The following SOX6 variants were observed in gnomAD, a reference collection of about 807,000 sequenced individuals.
SOX6 encodes transcription factor SOX-6.
A neutral mutation model predicts 97.8 loss-of-function variants in SOX6; 11 were observed. The observed-to-expected ratio is 0.11, with a 90% CI of 0.07 to 0.19. The LOEUF (loss-of-function observed/expected upper bound fraction) is 0.19. Among genes scored for constraint, SOX6 ranks in the 10% least tolerant of loss-of-function variants. The probability of loss-of-function intolerance (pLI) is 1.00; values close to 1 mark genes in which losing one functional copy is unlikely to be tolerated. For synonymous variants in SOX6, 360 were observed against 371.4 expected (o/e 0.97, Z 0.35); for missense variants, 810 against 1,039.5 (o/e 0.78, Z 3.04).
chr11:16,348,178 C>G (rs1412253898), intron 1 of SOX6, among the ~76,000 whole-genome samples: 1 of 152,094 alleles, frequency 6.6e-6, no homozygotes, highest in East Asian at 1.9e-4. Flanking sequence ...TTCCAGCAGG[C>G]AAAGTACTTC....
upstream of SOX6, among the ~76,000 whole-genome samples, chr11:16,480,648 C>A (rs57880976): frequency 3.9e-4 from 55 of 139,624 alleles, 1 homozygote; most frequent in African/African-American, 6.5e-4. Flanking sequence ...TTTAGTAACC[C>A]CCCCCCCACC....
chr11:16,468,252 C>A (rs1860078508), intron 1 of SOX6, among the ~76,000 whole-genome samples: 1 of 152,080 alleles, frequency 6.6e-6, no homozygotes. Context: ...TGTGAAAGAA[C>A]TATAACAGCA....
chr11:16,436,138 C>A (rs796542656), intron 1 of SOX6, among the ~76,000 whole-genome samples: 1 of 152,150 alleles, frequency 6.6e-6, no homozygotes, highest in South Asian at 2.1e-4. Flanking sequence ...TGTTAAACCA[C>A]CATGGCACAC....
intron 4 of SOX6, among the ~76,000 whole-genome samples, chr11:16,588,976 A>G (rs1329159184): frequency 6.6e-6 from 1 of 152,194 alleles, no homozygotes; most frequent in Non-Finnish European, 1.5e-5. Flanking sequence ...GTGAGCTATG[A>G]TCGTGCCACT....
chr11:16,175,992 T>C (rs1431661677), intron 6 of SOX6, among the ~76,000 whole-genome samples: 1 of 151,808 alleles, frequency 6.6e-6, no homozygotes, highest in Non-Finnish European at 1.5e-5. Flanking sequence ...AAATGAAAAG[T>C]ATATTTTAAC....
intron 12 of SOX6, among the ~76,000 whole-genome samples, chr11:16,040,382 A>C (rs1053541989): frequency 2.0e-5 from 3 of 152,048 alleles, no homozygotes; most frequent in African/African-American, 7.2e-5. Flanking sequence ...CAACAGAAAG[A>C]AAAAGAACTT....
At chr11:16,631,631 C>A (rs1325162961) in intron 3 of SOX6, among the ~76,000 whole-genome samples, 1 of 152,144 alleles carries the variant, frequency 6.6e-6, no homozygotes, top group Non-Finnish European at 1.5e-5. Context: ...ACCTCTCTAG[C>A]AAGATTAGGG....
rs943355011 is a variant in SOX6 at position 16,356,330 on chromosome 11, A to G, written c.-241T>C. On this transcript the variant is annotated 5_prime_UTR_variant, in exon 1 of 16. It removes the in-frame stop codon of an upstream open reading frame in the 5' UTR. Transcript: ENST00000683767. ...CTAATTTGCTAAACAAAACACTGTT[A>G]ACTTTGTTCAACAATTAAAGGAGTT... is the stretch of plus-strand genomic sequence containing the variant. Among the ~76,000 whole-genome samples, 1 of 152,144 alleles carries G rather than the reference A, an allele frequency of 6.6e-6. No homozygotes were observed. The highest frequency in any genetic ancestry group is 1.5e-5 in the Non-Finnish European group (1 of 67,998).
chr11:16,439,433 G>A (rs1284250265), intron 1 of SOX6, among the ~76,000 whole-genome samples: 4 of 152,234 alleles, frequency 2.6e-5, no homozygotes, highest in African/African-American at 7.2e-5. Context: ...TTGTATCAGG[G>A]CTGACACAAA....
chr11:16,348,642 C>T (rs1856829755), intron 1 of SOX6, among the ~76,000 whole-genome samples: 1 of 151,962 alleles, frequency 6.6e-6, no homozygotes, highest in African/African-American at 2.4e-5. Flanking sequence ...AGCACAAAGA[C>T]CTACAAATTA....
At position 16,115,186 on chromosome 11, in the gene SOX6, C is replaced by T. The variant is rs1043956453; in HGVS notation, c.778-3263G>A. ...GTGAAAGCAAGAGTAATGACAGAAA[C>T]ATAGAGTTGGAATAGAACTTGGAAA... On this transcript the variant is annotated intron_variant, in intron 6 of 15. Coordinates refer to ENST00000683767, the MANE Select transcript of SOX6 (RefSeq NM_001367873.1). Among the ~76,000 whole-genome samples the T allele has an allele frequency of 2.6e-5, 4 of 152,186 alleles. 1 individual carries two copies. Among genetic ancestry groups the T allele is most frequent in the Middle Eastern group, 6.8e-3 (2 of 294 alleles).
At chr11:16,611,197 C>G (rs185657610) in intron 4 of SOX6, among the ~76,000 whole-genome samples, 1 of 152,352 alleles carries the variant, frequency 6.6e-6, no homozygotes, top group African/African-American at 2.4e-5. Context: ...AGAGAGGTCC[C>G]CCTGAACTTG....
chr11:16,699,997 G>A (rs1442416050), intron 3 of SOX6, among the ~76,000 whole-genome samples: 1 of 151,874 alleles, frequency 6.6e-6, no homozygotes, highest in Admixed American at 6.6e-5. Flanking sequence ...TGGAGCTTTT[G>A]ATCTAGTGTG....
chr11:16,428,226 G>C (rs1301366845), intron 1 of SOX6, among the ~76,000 whole-genome samples: 2 of 151,852 alleles, frequency 1.3e-5, no homozygotes, highest in Non-Finnish European at 2.9e-5. Context: ...CTGGATATTA[G>C]CCCTTTGTCA....
intron 6 of SOX6, among the ~76,000 whole-genome samples, chr11:16,132,321 AGGAAG>A (rs1849776700): frequency 2.5e-5 from 3 of 119,034 alleles, no homozygotes; most frequent in African/African-American, 9.5e-5. Flanking sequence ...GAAGGAAGGA[AGGAAG>A]GAAGGAAAGA....
chr11:16,643,273 A>G (rs569461668), intron 3 of SOX6, among the ~76,000 whole-genome samples: 1 of 152,202 alleles, frequency 6.6e-6, no homozygotes, highest in African/African-American at 2.4e-5. Context: ...CTTCCTCTGG[A>G]AGTTTTGTCT....
At chr11:16,266,487 A>T (rs1854087539) in intron 3 of SOX6, among the ~76,000 whole-genome samples, 1 of 151,730 alleles carries the variant, frequency 6.6e-6, no homozygotes, top group Non-Finnish European at 1.5e-5. Flanking sequence ...AAAGGAATTA[A>T]GAGTAACAGA....
chr11:16,566,524 G>C (rs1284735884), intron 4 of SOX6, among the ~76,000 whole-genome samples: 1 of 152,212 alleles, frequency 6.6e-6, no homozygotes, highest in East Asian at 1.9e-4. Context: ...GGTTGAGTCA[G>C]CTAAGCCTAT....
chr11:16,146,367 A>G (rs1850297197), intron 6 of SOX6, among the ~76,000 whole-genome samples: 2 of 152,236 alleles, frequency 1.3e-5, no homozygotes, highest in Non-Finnish European at 2.9e-5. Flanking sequence ...TGGATCAAAG[A>G]CTTAAATGTT....
Sources: allele counts gnomAD v4.1 joint callset (sites outside exome capture counted in the v4.1 genomes callset), GRCh38; gene constraint gnomAD v4.1.1; transcripts MANE v1.5; gene names NCBI Gene and HGNC (gene_info 2026-07-23, HGNC 2026-07-21).